Variants in WDFY4 observed in about 807,000 individuals in gnomAD.
The protein encoded by WDFY4 is WDFY family member 4.
WDFY4 carries 169 observed loss-of-function variants against 351.9 expected under a neutral mutation model. The observed-to-expected ratio is 0.48, with a 90% CI of 0.42 to 0.55. The LOEUF (loss-of-function observed/expected upper bound fraction) is 0.55. Among genes scored for constraint, WDFY4 ranks in the 20% least tolerant of loss-of-function variants. The probability of loss-of-function intolerance (pLI) is 0.00; values close to 1 mark genes in which losing one functional copy is unlikely to be tolerated. For missense variants in WDFY4, 3,803 were observed against 3,935.6 expected, an observed-to-expected ratio of 0.97 and a Z score of 0.90; for synonymous variants, 1,622 against 1,574.6, an observed-to-expected ratio of 1.03 and a Z score of -0.71.
intron 20 of WDFY4, among the ~76,000 whole-genome samples, chr10:48,787,979 TTC>T (rs2066539674): frequency 7.5e-6 from 1 of 133,448 alleles, no homozygotes; most frequent in African/African-American, 3.0e-5. Context: ...CTTCTTCTTC[TTC>T]TTCTCCTTCT....
Position 48,789,889 on chromosome 10 carries a change from C to T in WDFY4, c.3970C>T (p.Arg1324Cys), listed in dbSNP as rs760060402. 67 of 1,552,274 alleles carry T rather than the reference C, an allele frequency of 4.3e-5. No homozygotes were observed. The highest frequency in any genetic ancestry group is 8.2e-5 in the African/African-American group (6 of 73,040). Residue 1324 changes from arginine (R) to cysteine (C), a missense_variant, in exon 22 of 62, where the codon CGT becomes TGT. Arg to Cys is a radical substitution (Grantham distance 180). Coordinates refer to ENST00000325239, the MANE Select transcript of WDFY4 (RefSeq NM_001394531.1). Reference sequence around the variant, plus strand: ...ATTTCTCTAGATGAACATTTCATCCCGTGACAATGCCATGCCCGTGTTCTT... The same window carrying T: ...ATTTCTCTAGATGAACATTTCATCCTGTGACAATGCCATGCCCGTGTTCTT... ...LIAKEMNISS[R>C]DNAMPVFLLR...
rs1461328042 is a variant in WDFY4 at position 48,786,880 on chromosome 10, GT to G, written c.3808+14del. ...GCTGTGCATGTCCAAGGTATGGAGT[GT>G]TTTGATTTACAATGTTCTTGCTGAT... On this transcript the variant is annotated intron_variant, in intron 20 of 61. Coordinates refer to ENST00000325239, the MANE Select transcript of WDFY4 (RefSeq NM_001394531.1). The G allele has an allele frequency of 6.5e-7, 1 of 1,547,340 alleles. No homozygotes were observed. The highest frequency in any genetic ancestry group is 8.7e-7 in the Non-Finnish European group (1 of 1,143,932).
rs79976762 is a variant in WDFY4 at position 48,839,518 on chromosome 10, C to T, written c.6663+6809C>T. On this transcript the variant is annotated intron_variant, in intron 39 of 61. Coordinates refer to ENST00000325239, the MANE Select transcript of WDFY4 (RefSeq NM_001394531.1). The stretch of plus-strand genomic sequence containing the variant: ...AAGACACATGAGGATTTCTAAAATG[C>T]AAGAGTCAGAGGACCCAGAGAGAGG... Among the ~76,000 whole-genome samples, 1,096 of 152,216 alleles carry T rather than the reference C, an allele frequency of 7.2e-3. 8 individuals carry two copies. Among genetic ancestry groups the T allele is most frequent in the Non-Finnish European group, 0.012 (798 of 68,018 alleles).
At position 48,729,438 on chromosome 10, in the gene WDFY4, T is replaced by C. The variant is rs1392031304; in HGVS notation, c.978T>C (p.Asp326=). Residue 326 remains aspartate (D), a synonymous_variant, in exon 8 of 62, where the codon GAT becomes GAC. Coordinates refer to ENST00000325239, the MANE Select transcript of WDFY4 (RefSeq NM_001394531.1). The stretch of plus-strand genomic sequence containing the variant: ...GCCTCATCTGTTCCCCCAGGTATGA[T>C]GGGCTGACCCAGAGCGAAGTGGACC... ...PLLLKVLLRY[D]GLTQSEVDPH... is the part of the protein sequence containing the mutation. 1.2e-5 allele frequency: 19 copies of C among 1,550,878 alleles called. No homozygotes were observed. Among genetic ancestry groups the C allele is most frequent in the Non-Finnish European group, 1.3e-5 (15 of 1,146,992 alleles).
chr10:48,862,354 A>T (rs2069373638), intron 39 of WDFY4, among the ~76,000 whole-genome samples: 1 of 152,178 alleles, frequency 6.6e-6, no homozygotes, highest in Non-Finnish European at 1.5e-5. Flanking sequence ...TATAGCAGGG[A>T]TCCCCAACCC....
At chr10:48,699,312 A>G (rs1174845997) in intron 1 of WDFY4, among the ~76,000 whole-genome samples, 3 of 152,120 alleles carry the variant, frequency 2.0e-5, no homozygotes, top group South Asian at 2.1e-4. Context: ...CAGCATGGGG[A>G]CTTCGGAGCC....
At chr10:48,736,582 A>G (rs1344665280) in intron 11 of WDFY4, among the ~76,000 whole-genome samples, 1 of 152,214 alleles carries the variant, frequency 6.6e-6, no homozygotes, top group African/African-American at 2.4e-5. Context: ...TGATCTGATG[A>G]GCATTTATTG....
chr10:48,880,667 C>T (rs563662229), intron 43 of WDFY4, among the ~76,000 whole-genome samples: 60 of 152,304 alleles, frequency 3.9e-4, no homozygotes, highest in African/African-American at 1.4e-3. Context: ...GTGTGAGGTT[C>T]GGCTCCTGGC....
intron 35 of WDFY4, chr10:48,824,161 G>T (rs144704630): frequency 3.0e-6 from 3 of 985,364 alleles, no homozygotes; most frequent in Non-Finnish European, 2.4e-6. Context: ...TCTGGACTCC[G>T]TCTCCAGTAG....
Position 48,786,700 on chromosome 10 carries a change from A to T in WDFY4, c.3638A>T (p.Asp1213Val). The stretch of plus-strand genomic sequence containing the variant: ...TCTATGGATCCATCCGCATTTGTGG[A>T]TGTTTATGGATATATTGCTACTCCT... ...FLSMDPSAFV[D>V]VYGYIATPRV... Residue 1213 changes from aspartate (D) to valine (V), a missense_variant, in exon 20 of 62, where the codon GAT (aspartate) becomes GTT (valine). Asp to Val is a radical substitution (Grantham distance 152). Transcript: ENST00000325239. The T allele has an allele frequency of 6.4e-7, 1 of 1,552,228 alleles. No individual in the cohort carries two copies. The highest frequency in any genetic ancestry group is 8.7e-7 in the Non-Finnish European group (1 of 1,147,112).
At chr10:48,965,931 A>T (rs962330895) in intron 54 of WDFY4, among the ~76,000 whole-genome samples, 2 of 152,172 alleles carry the variant, frequency 1.3e-5, no homozygotes, top group African/African-American at 2.4e-5. Flanking sequence ...ACCAGGCAGC[A>T]TGGCTCATGC....
intron 1 of WDFY4, among the ~76,000 whole-genome samples, chr10:48,706,134 C>T (rs924574998): frequency 2.0e-5 from 3 of 151,770 alleles, no homozygotes; most frequent in East Asian, 3.9e-4. Flanking sequence ...GGGGTCTAGG[C>T]GAGAGAGAGA....
chr10:48,734,163 G>A, intron 10 of WDFY4, 128 bp downstream of exon 10: 1 of 777,072 alleles, frequency 1.3e-6, no homozygotes, highest in South Asian at 1.8e-5. Context: ...TGTGGCTAAT[G>A]ATCCTCTCTT....
At chr10:48,971,945 A>G (rs896429981) in intron 57 of WDFY4, among the ~76,000 whole-genome samples, 6 of 152,162 alleles carry the variant, frequency 3.9e-5, no homozygotes, top group Non-Finnish European at 7.4e-5. Flanking sequence ...TGGGGACTGT[A>G]CATAGTTCCA....
chr10:48,895,389 C>T (rs554996792), intron 44 of WDFY4, among the ~76,000 whole-genome samples: 21 of 152,334 alleles, frequency 1.4e-4, no homozygotes, highest in Admixed American at 8.5e-4. Context: ...CACTCCCTGT[C>T]ACCTTAGGCT....
In WDFY4 at chr10:48,926,928, G is replaced by C. The variant is rs78000739; in HGVS notation, c.7587-14878G>C. Among the ~76,000 whole-genome samples the C allele has an allele frequency of 6.6e-5, 10 of 152,302 alleles. No homozygotes were observed. The East Asian group carries it at 1.4e-3, about 21-fold the overall frequency. On this transcript the variant is annotated intron_variant, in intron 47 of 61. Transcript: ENST00000325239. ...CCTGCAGGCCCAACGCAGTGTGAACGCCTTGCCACATGGAGTGTGAGTCAA... is the reference window on the plus strand; with the variant it reads ...CCTGCAGGCCCAACGCAGTGTGAACCCCTTGCCACATGGAGTGTGAGTCAA...
intron 10 of WDFY4, 26 bp downstream of exon 10, chr10:48,734,061 A>T: frequency 6.5e-7 from 1 of 1,541,490 alleles, no homozygotes; most frequent in Non-Finnish European, 8.8e-7. Flanking sequence ...AGTTTGCCTC[A>T]TCACTGCTTG....
chr10:48,819,102 G>A (rs2067722333), intron 32 of WDFY4, among the ~76,000 whole-genome samples: 1 of 152,236 alleles, frequency 6.6e-6, no homozygotes, highest in Non-Finnish European at 1.5e-5. Flanking sequence ...CTGACCCAGG[G>A]CTCCTGCTCC....
At chr10:48,809,288 G>T (rs1387183209) in intron 28 of WDFY4, among the ~76,000 whole-genome samples, 1 of 63,594 alleles carries the variant, frequency 1.6e-5, no homozygotes, top group South Asian at 5.1e-4. Flanking sequence ...AACATTAATC[G>T]CCATCACCAC....
Sources: allele counts gnomAD v4.1 joint callset (sites outside exome capture counted in the v4.1 genomes callset), GRCh38; gene constraint gnomAD v4.1.1; transcripts MANE v1.5; gene names NCBI Gene and HGNC (gene_info 2026-07-23, HGNC 2026-07-21).